The following SYT1 variants were observed in gnomAD, a reference collection of about 807,000 sequenced individuals.
The protein encoded by SYT1 is synaptotagmin 1, also known as synaptotagmin-1.
A neutral mutation model predicts 44.8 loss-of-function variants in SYT1; 8 were observed. The observed-to-expected ratio is 0.18, with a 90% confidence interval of 0.10 to 0.32. SYT1 has a LOEUF of 0.32. Ranked by LOEUF, SYT1 falls within the 10% of genes least tolerant of loss-of-function variation. The pLI is 1.00. For synonymous variants in SYT1, 154 were observed against 188.8 expected, an observed-to-expected ratio of 0.82 and a Z score of 1.51; for missense variants, 286 against 509.3, an observed-to-expected ratio of 0.56 and a Z score of 4.22.
At chr12:79,297,864 A>G (rs928938947) in intron 7 of SYT1, among the ~76,000 whole-genome samples, 5 of 152,146 alleles carry the variant, frequency 3.3e-5, no homozygotes, top group Non-Finnish European at 7.4e-5. Flanking sequence ...ACATGCCCCA[A>G]ATTAATTCAT....
chr12:79,082,290 C>A (rs889317853), intron 3 of SYT1, among the ~76,000 whole-genome samples: 3 of 152,110 alleles, frequency 2.0e-5, no homozygotes, highest in Non-Finnish European at 4.4e-5. Context: ...GGCTTAGAGA[C>A]CCATCTCCCA....
intron 3 of SYT1, among the ~76,000 whole-genome samples, chr12:79,090,790 AG>A (rs776311844): frequency 2.0e-5 from 3 of 151,992 alleles, no homozygotes; most frequent in African/African-American, 2.4e-5. Flanking sequence ...AGGTTATGGA[AG>A]GGTAAGGGGA....
intron 1 of SYT1, among the ~76,000 whole-genome samples, chr12:78,929,924 A>C (rs1418100584): frequency 1.3e-5 from 2 of 152,132 alleles, no homozygotes; most frequent in Non-Finnish European, 2.9e-5. Context: ...TAAAATGATG[A>C]GAACAAAATT....
At chr12:79,141,620 G>T (rs1772231392) in intron 3 of SYT1, among the ~76,000 whole-genome samples, 1 of 152,062 alleles carries the variant, frequency 6.6e-6, no homozygotes, top group African/African-American at 2.4e-5. Flanking sequence ...AGGAGTCATT[G>T]AATAATTAGG....
chr12:78,895,053 T>C lies in SYT1; in HGVS notation c.-217+29944T>C, dbSNP rs1457263160. Among the ~76,000 whole-genome samples, 8 of 151,728 alleles carry C rather than the reference T, an allele frequency of 5.3e-5. No homozygotes were observed. In the East Asian group the frequency reaches 1.6e-3, roughly 30 times the overall value. On this transcript the variant is annotated intron_variant, in intron 1 of 10. Coordinates refer to ENST00000261205, the MANE Select transcript of SYT1 (RefSeq NM_005639.3). ...CAATTTTTATTTGTTAATTAAAAATTAGATAAGCTAAAATTAAAAACTAAA... is the reference window on the plus strand; with the variant it reads ...CAATTTTTATTTGTTAATTAAAAATCAGATAAGCTAAAATTAAAAACTAAA...
intron 1 of SYT1, among the ~76,000 whole-genome samples, chr12:78,887,666 T>C (rs1874823335): frequency 6.6e-6 from 1 of 151,878 alleles, no homozygotes. Flanking sequence ...TATATTATCT[T>C]CCCTATTAGG....
rs140721671 is a variant in SYT1, at chr12:79,230,958, A to G, written c.166+13273A>G. 1.2e-4 allele frequency among the ~76,000 whole-genome samples: 18 copies of G among 152,300 alleles called. No individual in the cohort carries two copies. In the East Asian group the frequency reaches 3.1e-3, roughly 26 times the overall value. On this transcript the variant is annotated intron_variant, in intron 4 of 10. Coordinates refer to ENST00000261205, the MANE Select transcript of SYT1 (RefSeq NM_005639.3). ...ATACTTTAAAATAGCTTTAACATCT[A>G]TTTTGTTTTTACCACGTAGCAAACC...
At chr12:78,999,334 CTA>C (rs1841898172) in intron 2 of SYT1, among the ~76,000 whole-genome samples, 1 of 152,114 alleles carries the variant, frequency 6.6e-6, no homozygotes, top group Non-Finnish European at 1.5e-5. Flanking sequence ...TTATGTATAT[CTA>C]TAGTTTCACT....
At chr12:79,163,448 A>C (rs181875058) in intron 3 of SYT1, among the ~76,000 whole-genome samples, 5 of 152,234 alleles carry the variant, frequency 3.3e-5, no homozygotes, top group Non-Finnish European at 7.4e-5. Context: ...ATGCATCCTA[A>C]GGGGTCACTA....
intron 9 of SYT1, among the ~76,000 whole-genome samples, chr12:79,436,063 G>A (rs1340944143): frequency 2.0e-5 from 3 of 152,122 alleles, no homozygotes; most frequent in African/African-American, 7.2e-5. Context: ...TTTTGCCCAG[G>A]TACAATTTCA....
chr12:79,291,147 C>T (rs934720104), intron 5 of SYT1, among the ~76,000 whole-genome samples: 2 of 152,046 alleles, frequency 1.3e-5, no homozygotes, highest in Non-Finnish European at 2.9e-5. Flanking sequence ...AGTTAGTGAG[C>T]TTTCTAATAT....
intron 2 of SYT1, chr12:79,046,537 C>T (rs1295572768): frequency 6.6e-6 from 1 of 152,060 alleles, no homozygotes; most frequent in Non-Finnish European, 1.5e-5. Flanking sequence ...ATCTTTATTA[C>T]ATTAAAGCAA....
intron 2 of SYT1, among the ~76,000 whole-genome samples, chr12:79,045,160 T>G (rs946224410): frequency 6.6e-6 from 1 of 152,184 alleles, no homozygotes; most frequent in Admixed American, 6.5e-5. Context: ...CAGTTCGAGC[T>G]TCCCGGCTGC....
At chr12:79,158,069 G>A (rs778462364) in intron 3 of SYT1, among the ~76,000 whole-genome samples, 2 of 151,998 alleles carry the variant, frequency 1.3e-5, no homozygotes, top group Non-Finnish European at 2.9e-5. Flanking sequence ...TGGTTTCGGG[G>A]TGATTCAAGC....
chr12:79,350,408 A>G (rs886393950), intron 8 of SYT1, among the ~76,000 whole-genome samples: 2 of 151,738 alleles, frequency 1.3e-5, no homozygotes, highest in African/African-American at 4.8e-5. Flanking sequence ...GCCCGCCACC[A>G]TGCCCGGCTA....
intron 9 of SYT1, among the ~76,000 whole-genome samples, chr12:79,394,577 T>C (rs1000607222): frequency 5.9e-5 from 9 of 152,246 alleles, no homozygotes; most frequent in Non-Finnish European, 1.0e-4. Flanking sequence ...TTTATTCTTA[T>C]GTCTCATTTT....
At chr12:78,919,546 A>G (rs1178282337) in intron 1 of SYT1, among the ~76,000 whole-genome samples, 2 of 152,068 alleles carry the variant, frequency 1.3e-5, no homozygotes, top group African/African-American at 4.8e-5. Context: ...ACAAAAACTT[A>G]AGGTGGTGTA....
intron 4 of SYT1, among the ~76,000 whole-genome samples, chr12:79,275,416 G>A (rs141088849): frequency 4.9e-4 from 75 of 152,214 alleles, no homozygotes; most frequent in African/African-American, 1.7e-3. Context: ...GGGTGACTGC[G>A]TCCCCAAGGG....
chr12:79,073,886 C>T (rs1429654939), intron 3 of SYT1, among the ~76,000 whole-genome samples: 1 of 152,158 alleles, frequency 6.6e-6, no homozygotes, highest in African/African-American at 2.4e-5. Context: ...AAACCAAACA[C>T]AAAGCAATGT....
Sources: gnomAD v4.1 joint callset for allele counts (sites outside exome capture counted in the v4.1 genomes callset) on GRCh38, gnomAD v4.1.1 for gene constraint, MANE v1.5 for transcripts, NCBI Gene and HGNC (gene_info 2026-07-23, HGNC 2026-07-21) for gene names.